DENND1B: variants seen among roughly 807,000 people sequenced by gnomAD.
The protein encoded by DENND1B is DENN domain containing 1B, also known as DENN domain-containing protein 1B.
DENND1B carries 59 observed loss-of-function variants against 90.1 expected under a neutral mutation model. The observed-to-expected ratio is 0.65, with a 90% CI of 0.53 to 0.81. DENND1B has a LOEUF of 0.81. DENND1B is among the 40% of genes least tolerant of loss of function. The pLI, the probability that DENND1B is intolerant of heterozygous loss-of-function variation, is 0.00. For synonymous variants in DENND1B, 337 were observed against 324.6 expected (o/e 1.04, Z -0.41); for missense variants, 862 against 912.6 (o/e 0.94, Z 0.71).
intron 10 of DENND1B, among the ~76,000 whole-genome samples, chr1:197,625,754 T>C (rs1032572843): frequency 9.2e-5 from 14 of 152,134 alleles, no homozygotes; most frequent in African/African-American, 3.4e-4. Flanking sequence ...ATCAGTGTGC[T>C]GTATTCAGGA....
At chr1:197,780,522 C>T (rs1352504376), upstream of DENND1B, among the ~76,000 whole-genome samples, 1 of 151,870 alleles carries the variant, frequency 6.6e-6, no homozygotes, top group Non-Finnish European at 1.5e-5. Context: ...GGCAGGGTTT[C>T]ACCATGTTGG....
intron 2 of DENND1B, among the ~76,000 whole-genome samples, chr1:197,753,914 C>A (rs912262784): frequency 5.9e-5 from 9 of 151,926 alleles, no homozygotes; most frequent in South Asian, 2.1e-4. Flanking sequence ...ACAGAAGAAT[C>A]GCTTAAACCC....
chr1:197,719,486 T>G (rs1024372922), intron 2 of DENND1B, among the ~76,000 whole-genome samples: 1 of 152,182 alleles, frequency 6.6e-6, no homozygotes, highest in African/African-American at 2.4e-5. Flanking sequence ...TGCAAAAATA[T>G]GAGTTTTGTG....
chr1:197,539,397 A>G (rs1670158831), intron 20 of DENND1B, among the ~76,000 whole-genome samples: 1 of 152,178 alleles, frequency 6.6e-6, no homozygotes, highest in East Asian at 1.9e-4. Flanking sequence ...TTGTTTAGTT[A>G]GAGCCTTCAT....
At chr1:197,511,047 A>G (rs1457357868) in intron 22 of DENND1B, 75 bp from the exon 23 acceptor site, 2 of 1,340,922 alleles carry the variant, frequency 1.5e-6, no homozygotes, top group Non-Finnish European at 2.0e-6. Flanking sequence ...CTCTTTTGAA[A>G]TAAATGTTAA....
intron 10 of DENND1B, among the ~76,000 whole-genome samples, chr1:197,634,740 C>A (rs4611052): frequency 0.39 from 59,823 of 152,136 alleles, 14,403 homozygotes; most frequent in East Asian, 0.66. Flanking sequence ...GTGATCCCAG[C>A]AACTTTGGGA....
chr1:197,529,056 T>C (rs1171245513), intron 20 of DENND1B, among the ~76,000 whole-genome samples: 1 of 151,384 alleles, frequency 6.6e-6, no homozygotes, highest in Non-Finnish European at 1.5e-5. Flanking sequence ...CAAGTGAGAG[T>C]ATTTATCAAC....
intron 3 of DENND1B, among the ~76,000 whole-genome samples, chr1:197,699,828 C>T (rs1658840610): frequency 6.6e-6 from 1 of 151,520 alleles, no homozygotes; most frequent in Admixed American, 6.6e-5. Flanking sequence ...AAGCAGAGAA[C>T]CAAATAAATC....
chr1:197,736,226 G>T, intron 2 of DENND1B: 1 of 415,186 alleles, frequency 2.4e-6, no homozygotes, highest in Non-Finnish European at 4.4e-6. Flanking sequence ...TTAAGCTGCA[G>T]ATTCCAACTT....
chr1:197,551,233 T>G (rs1281384715), intron 16 of DENND1B, among the ~76,000 whole-genome samples: 1 of 152,058 alleles, frequency 6.6e-6, no homozygotes, highest in Non-Finnish European at 1.5e-5. Context: ...ACAAAAAAAG[T>G]CTATGTATAA....
intron 6 of DENND1B, among the ~76,000 whole-genome samples, chr1:197,657,756 TA>T (rs1160619568): frequency 6.6e-6 from 1 of 152,120 alleles, no homozygotes; most frequent in East Asian, 1.9e-4. Flanking sequence ...TTTAGGTATA[TA>T]CCCAAAAGGA....
intron 14 of DENND1B, among the ~76,000 whole-genome samples, chr1:197,591,223 A>G (rs1048058291): frequency 6.6e-6 from 1 of 152,150 alleles, no homozygotes; most frequent in South Asian, 2.1e-4. Flanking sequence ...ACTGCTAGAG[A>G]AGAAATGACT....
At chr1:197,554,100 TACACACACACACACACACACAC>T (rs4026509) in intron 15 of DENND1B, among the ~76,000 whole-genome samples, 35 of 140,078 alleles carry the variant, frequency 2.5e-4, no homozygotes, top group South Asian at 9.9e-4. Context: ...TCAATGATTA[TACACACACACACACACACACAC>T]ACACACACAC....
At chr1:197,553,561 A>C (rs780635427) in intron 15 of DENND1B, among the ~76,000 whole-genome samples, 2 of 152,140 alleles carry the variant, frequency 1.3e-5, no homozygotes, top group African/African-American at 4.8e-5. Context: ...CAAACAACAA[A>C]TTAGATTAAC....
At chr1:197,717,845 C>A (rs757052260) in intron 2 of DENND1B, among the ~76,000 whole-genome samples, 2 of 151,876 alleles carry the variant, frequency 1.3e-5, no homozygotes, top group Non-Finnish European at 2.9e-5. Context: ...TAAAAGAGCT[C>A]CAATTTGCAC....
chr1:197,770,048 T>C (rs1166031437), intron 2 of DENND1B, among the ~76,000 whole-genome samples: 1 of 152,164 alleles, frequency 6.6e-6, no homozygotes, highest in Non-Finnish European at 1.5e-5. Context: ...TTACTGATTA[T>C]AGTTATTACT....
In DENND1B at chr1:197,546,756, GA is replaced by G; in HGVS notation, c.1257del (p.Gln420AsnfsTer18). The G allele has an allele frequency of 6.5e-7, 1 of 1,546,626 alleles. No individual in the cohort carries two copies. The highest frequency in any genetic ancestry group is 8.7e-7 in the Non-Finnish European group (1 of 1,145,848). The part of the protein sequence containing the change: ...GGFCGGNPRS[Y>X]QQWVHTVKKG... ...ACCTTGACTGTATGCACCCATTGTTGATATGACCTCGGGTTCCCTGGAATAT... is the reference window on the plus strand; with the variant it reads ...ACCTTGACTGTATGCACCCATTGTTGTATGACCTCGGGTTCCCTGGAATAT... On this transcript the variant is annotated frameshift_variant, in exon 17 of 23. Transcript: ENST00000620048. LOFTEE classifies it high-confidence loss of function.
intron 7 of DENND1B, among the ~76,000 whole-genome samples, chr1:197,648,949 C>A (rs575630543): frequency 2.6e-5 from 4 of 152,172 alleles, no homozygotes; most frequent in Admixed American, 1.3e-4. Flanking sequence ...ACCCAGTCTA[C>A]AAATGACTAT....
chr1:197,630,536 ACAGT>A (rs1679234984), intron 10 of DENND1B, among the ~76,000 whole-genome samples: 1 of 152,140 alleles, frequency 6.6e-6, no homozygotes, highest in Non-Finnish European at 1.5e-5. Context: ...TTTAGGGGAC[ACAGT>A]CAGACCATAG....
Sources: allele counts gnomAD v4.1 joint callset (sites outside exome capture counted in the v4.1 genomes callset), GRCh38; gene constraint gnomAD v4.1.1; transcripts MANE v1.5; gene names NCBI Gene and HGNC (gene_info 2026-07-23, HGNC 2026-07-21).